Variants in KMT2A observed in about 807,000 individuals in gnomAD.
KMT2A encodes the protein lysine methyltransferase 2A.
Under a neutral mutation model 345.3 loss-of-function variants are expected in KMT2A, and 16 were observed. The observed-to-expected ratio is 0.05, with a 90% CI of 0.03 to 0.07. The LOEUF (loss-of-function observed/expected upper bound fraction) is 0.07. Among genes scored for constraint, KMT2A ranks in the 10% least tolerant of loss-of-function variants. The pLI, the probability that KMT2A is intolerant of heterozygous loss-of-function variation, is 1.00. For synonymous variants in KMT2A, 1,599 were observed against 1,778.6 expected, an observed-to-expected ratio of 0.90 and a Z score of 2.54; for missense variants, 3,272 against 4,841.6, an observed-to-expected ratio of 0.68 and a Z score of 9.62.
At chr11:118,460,572 G>A (rs1016835499) in intron 1 of KMT2A, among the ~76,000 whole-genome samples, 2 of 152,136 alleles carry the variant, frequency 1.3e-5, no homozygotes, top group Non-Finnish European at 1.5e-5. Context: ...TTACAGTCAG[G>A]AGACACCACA....
At chr11:118,445,724 T>G (rs1949403925) in intron 1 of KMT2A, among the ~76,000 whole-genome samples, 1 of 152,188 alleles carries the variant, frequency 6.6e-6, no homozygotes, top group African/African-American at 2.4e-5. Context: ...AGTTTTGGGT[T>G]GGGCGCAGTG....
Position 118,523,942 on chromosome 11 carries a change from A to G in KMT2A, c.*1770A>G, listed in dbSNP as rs1403295722. 9.9e-6 allele frequency: 2 copies of G among 202,852 alleles called. No homozygotes were observed. The highest frequency in any genetic ancestry group is 4.6e-5 in the African/African-American group (2 of 43,604). The allele number at this position is 202,852 out of a possible 1,614,324, so 12.6% of individuals were successfully genotyped here. ...CTCAAAAGGCTACAGTAATATCTTGATACAACAGATTCTCTTCTTTCCCGC... is the reference window on the plus strand; with the variant it reads ...CTCAAAAGGCTACAGTAATATCTTGGTACAACAGATTCTCTTCTTTCCCGC... On this transcript the variant is annotated 3_prime_UTR_variant, in exon 36 of 36. Coordinates refer to ENST00000534358, the MANE Select transcript of KMT2A (RefSeq NM_001197104.2).
At chr11:118,519,314 G>A (rs182696916) in intron 31 of KMT2A, 11 of 228,600 alleles carry the variant, frequency 4.8e-5, no homozygotes, top group Admixed American at 3.9e-4. Flanking sequence ...TTATGAGCAC[G>A]AAATGAAATA....
At chr11:118,437,833 A>C (rs1949227674) in intron 1 of KMT2A, among the ~76,000 whole-genome samples, 1 of 152,138 alleles carries the variant, frequency 6.6e-6, no homozygotes, top group Non-Finnish European at 1.5e-5. Flanking sequence ...AGAGAAGAGC[A>C]GCTTTCCACC....
In KMT2A at chr11:118,510,744, A is replaced by C. The variant is rs187656844; in HGVS notation, c.11071+626A>C. Among the ~76,000 whole-genome samples the C allele has an allele frequency of 5.3e-5, 8 of 152,324 alleles. No individual in the cohort carries two copies. In the East Asian group the frequency reaches 1.5e-3, roughly 29 times the overall value. ...CATCTAAGTGTTCATCCACCTTTGA[A>C]GGACTAGTAAATGTTCTCTAGGCTG... is the stretch of plus-strand genomic sequence containing the variant. On this transcript the variant is annotated intron_variant, in intron 30 of 35. Coordinates refer to ENST00000534358, the MANE Select transcript of KMT2A (RefSeq NM_001197104.2). The surrounding 1 kb of genome is among the most constrained non-coding windows in gnomAD (Gnocchi z 4.1).
intron 3 of KMT2A, among the ~76,000 whole-genome samples, chr11:118,474,720 A>T (rs1555037060): frequency 6.6e-6 from 1 of 152,186 alleles, no homozygotes; most frequent in African/African-American, 2.4e-5. Context: ...ACATTTTAAT[A>T]GTCAAATTGT....
chr11:118,481,291 A>C (rs1048153693), intron 6 of KMT2A, among the ~76,000 whole-genome samples: 1 of 151,824 alleles, frequency 6.6e-6, no homozygotes, highest in Non-Finnish European at 1.5e-5. Flanking sequence ...CTCTGTCTCT[A>C]TCTCCATAAG....
rs781832439 is a variant in KMT2A, at chr11:118,510,547, G to A, written c.11071+429G>A. Among the ~76,000 whole-genome samples, 12 of 152,062 alleles carry A rather than the reference G, an allele frequency of 7.9e-5. No individual in the cohort carries two copies. The highest frequency in any genetic ancestry group is 1.5e-4 in the Non-Finnish European group (10 of 68,000). ...AGATCCAGCTCAGACGGTCTTCCCT[G>A]ACCTTCTGAGGTAGCTAAGCCCTCC... On this transcript the variant is annotated intron_variant, in intron 30 of 35. Transcript: ENST00000534358. This position sits in a 1 kb window ranked among gnomAD's most constrained non-coding sequence, Gnocchi z 4.1.
chr11:118,465,038 A>G (rs1949817151), intron 1 of KMT2A, among the ~76,000 whole-genome samples: 1 of 152,184 alleles, frequency 6.6e-6, no homozygotes, highest in Non-Finnish European at 1.5e-5. Context: ...GAGAATTTTC[A>G]TGAGAAGTCA....
chr11:118,481,771 A>G lies in KMT2A; in HGVS notation c.3691A>G (p.Ser1231Gly). 1 of 1,614,228 alleles carries G rather than the reference A, an allele frequency of 6.2e-7. No individual in the cohort carries two copies. The highest frequency in any genetic ancestry group is 2.2e-5 in the East Asian group (1 of 44,894). Residue 1231 changes from serine to glycine, a missense_variant, in exon 7 of 36, where the codon AGC (serine) becomes GGC (glycine). Ser to Gly is a moderately conservative substitution (Grantham distance 56, BLOSUM62 0). Transcript: ENST00000534358. ...CAGTGAAAAGAAAGACAGCAAAGAG[A>G]GCAGTGTTGTGAAGAACGTGGTGGA... ...KTSEKKDSKESSVVKNVVDSS... is the reference protein window; with the variant it reads ...KTSEKKDSKEGSVVKNVVDSS...
At chr11:118,514,925 G>A (rs1012915368) in intron 31 of KMT2A, among the ~76,000 whole-genome samples, 1 of 152,150 alleles carries the variant, frequency 6.6e-6, no homozygotes, top group Non-Finnish European at 1.5e-5. Context: ...GAGCCACCAC[G>A]CCCGGCCTAA....
chr11:118,463,589 A>C (rs1949786975), intron 1 of KMT2A, among the ~76,000 whole-genome samples: 1 of 152,206 alleles, frequency 6.6e-6, no homozygotes, highest in Admixed American at 6.5e-5. Flanking sequence ...ATTCCTTTAA[A>C]TATTTATTGT....
intron 22 of KMT2A, among the ~76,000 whole-genome samples, 176 bp from the exon 23 acceptor site, chr11:118,499,127 T>A (rs1185430663): frequency 6.6e-6 from 1 of 152,266 alleles, no homozygotes. Flanking sequence ...TTTGCTTTTC[T>A]ACTTGGTGTT....
intron 1 of KMT2A, among the ~76,000 whole-genome samples, chr11:118,437,964 CCCCA>C (rs1555139191): frequency 1.3e-5 from 2 of 152,118 alleles, no homozygotes; most frequent in Non-Finnish European, 2.9e-5. Flanking sequence ...TGCTCTCCTA[CCCCA>C]CCCACTGCGC....
intron 28 of KMT2A, 74 bp downstream of exon 28, chr11:118,507,683 G>C (rs1950608852): frequency 1.5e-6 from 2 of 1,293,174 alleles, no homozygotes; most frequent in South Asian, 2.5e-5. Flanking sequence ...AGTTCTTCCA[G>C]GCCGGGCGCA....
chr11:118,453,975 A>C (rs1245380342), intron 1 of KMT2A, among the ~76,000 whole-genome samples: 11 of 152,180 alleles, frequency 7.2e-5, no homozygotes, highest in Non-Finnish European at 8.8e-5. Context: ...TTTATCGTCG[A>C]TTTATCTCTT....
rs555409991 is a variant in KMT2A at position 118,494,960 on chromosome 11, T to C, written c.5363+193T>C. Among the ~76,000 whole-genome samples, 6 of 152,332 alleles carry C rather than the reference T, an allele frequency of 3.9e-5. No individual in the cohort carries two copies. The highest frequency in any genetic ancestry group is 1.4e-4 in the African/African-American group (6 of 41,578). On this transcript the variant is annotated intron_variant, in intron 18 of 35. Transcript: ENST00000534358. This position sits in a 1 kb window ranked among gnomAD's most constrained non-coding sequence, Gnocchi z 5.8. ...ATTGCCTTTTTGTTCTTTACTTTTA[T>C]ATTTGTTTTATTGTAGGGAGCTTGG...
At chr11:118,444,686 G>A (rs1246690278) in intron 1 of KMT2A, among the ~76,000 whole-genome samples, 1 of 152,250 alleles carries the variant, frequency 6.6e-6, no homozygotes, top group Admixed American at 6.5e-5. Context: ...CAATCCTCTT[G>A]TCTCAGCCTC....
rs571715079 is a variant in KMT2A at position 118,488,751 on chromosome 11, G to A, written c.4470G>A (p.Gln1490=). ...GTCACGTTTGTGGAAGGCAACATCA[G>A]GCTACAAAGGTACAAAACTTGGTAA... is the stretch of plus-strand genomic sequence containing the variant. The part of the protein sequence containing the change: ...KFCHVCGRQH[Q]ATKQLLECNK... Residue 1490 remains glutamine (Q), a synonymous_variant, in exon 11 of 36, where the codon CAG becomes CAA. Coordinates refer to ENST00000534358, the MANE Select transcript of KMT2A (RefSeq NM_001197104.2). 1 of 1,614,076 alleles carries A rather than the reference G, an allele frequency of 6.2e-7. No homozygotes were observed. The highest frequency in any genetic ancestry group is 1.1e-5 in the South Asian group (1 of 91,048).
Sources: gnomAD v4.1 joint callset for allele counts (sites outside exome capture counted in the v4.1 genomes callset) on GRCh38, gnomAD v4.1.1 for gene constraint, Gnocchi (gnomAD v3.1) non-coding constraint, MANE v1.5 for transcripts, NCBI Gene and HGNC (gene_info 2026-07-23, HGNC 2026-07-21) for gene names.